FAM184A: variants seen among roughly 807,000 people sequenced by gnomAD.
The protein encoded by FAM184A is family with sequence similarity 184 member A, also known as protein FAM184A.
In FAM184A, 99 loss-of-function variants were observed where a neutral mutation model predicts 143.8. The ratio of observed to expected loss-of-function variants is 0.69; its 90% CI spans 0.58 to 0.81. The LOEUF (loss-of-function observed/expected upper bound fraction) is 0.81. Ranked by LOEUF, FAM184A falls within the 40% of genes least tolerant of loss-of-function variation. FAM184A has a pLI of 0.00. For synonymous variants in FAM184A, 427 were observed against 446.4 expected, an observed-to-expected ratio of 0.96 and a Z score of 0.55; for missense variants, 1,217 against 1,310.5, an observed-to-expected ratio of 0.93 and a Z score of 1.10.
Position 118,980,370 on chromosome 6 carries a change from A to G in FAM184A, c.2089-20T>C, listed in dbSNP as rs773377861. On this transcript the variant is annotated intron_variant, in intron 9 of 17. Coordinates refer to ENST00000338891, the MANE Select transcript of FAM184A (RefSeq NM_024581.6). ...GGAAATCTATGCCCCAGAATGGTAC[A>G]CAATGAAGAATAAATACAAGGCATA... 6.9e-6 allele frequency: 11 copies of G among 1,596,660 alleles called. No homozygotes were observed. In the South Asian group the frequency reaches 1.0e-4, roughly 14 times the overall value.
intron 1 of FAM184A, among the ~76,000 whole-genome samples, chr6:119,099,616 T>C (rs979690874): frequency 6.6e-6 from 1 of 152,118 alleles, no homozygotes; most frequent in African/African-American, 2.4e-5. Flanking sequence ...CCCAATCTAT[T>C]AGTATGGGAT....
At chr6:119,130,030 G>T (rs1019869230) in intron 1 of FAM184A, among the ~76,000 whole-genome samples, 1 of 142,904 alleles carries the variant, frequency 7.0e-6, no homozygotes, top group African/African-American at 2.6e-5. Flanking sequence ...ACAGAGGCTC[G>T]CAAGGTTTTA....
intron 1 of FAM184A, among the ~76,000 whole-genome samples, chr6:119,132,535 C>G (rs1789561708): frequency 1.3e-5 from 2 of 152,196 alleles, no homozygotes; most frequent in Non-Finnish European, 2.9e-5. Context: ...CATTTTTGAA[C>G]AGAAAGGTAA....
At chr6:119,008,796 G>A (rs779555943) in intron 6 of FAM184A, among the ~76,000 whole-genome samples, 63 of 152,190 alleles carry the variant, frequency 4.1e-4, no homozygotes, top group African/African-American at 1.3e-3. Context: ...ATATGGACAC[G>A]AGCATAAGCC....
At chr6:119,005,193 G>T (rs1421924737) in intron 7 of FAM184A, 1 of 151,818 alleles carries the variant, frequency 6.6e-6, no homozygotes, top group Non-Finnish European at 1.5e-5. Flanking sequence ...ATATCAAGTT[G>T]TATATTATAC....
intron 1 of FAM184A, among the ~76,000 whole-genome samples, chr6:119,122,020 C>T (rs1319672307): frequency 1.3e-5 from 2 of 152,184 alleles, no homozygotes; most frequent in African/African-American, 2.4e-5. Flanking sequence ...CCTCCCACCT[C>T]GGCCTCCCAA....
intron 1 of FAM184A, among the ~76,000 whole-genome samples, chr6:119,034,229 T>C (rs1786024144): frequency 6.6e-6 from 1 of 151,468 alleles, no homozygotes; most frequent in Non-Finnish European, 1.5e-5. Flanking sequence ...GCAAAGTGAA[T>C]GTTAGAAAGA....
At chr6:118,997,432 G>T (rs538628966) in intron 9 of FAM184A, among the ~76,000 whole-genome samples, 2 of 152,050 alleles carry the variant, frequency 1.3e-5, no homozygotes, top group Non-Finnish European at 2.9e-5. Flanking sequence ...GCTCACACTT[G>T]TAATCCCAGG....
At chr6:119,068,115 C>T (rs1787533122) in intron 1 of FAM184A, among the ~76,000 whole-genome samples, 1 of 146,254 alleles carries the variant, frequency 6.8e-6, no homozygotes, top group South Asian at 2.1e-4. Flanking sequence ...GGCGCAATCT[C>T]AGCTCACCAC....
At chr6:119,130,863 T>C (rs985118253) in intron 1 of FAM184A, among the ~76,000 whole-genome samples, 11 of 148,702 alleles carry the variant, frequency 7.4e-5, no homozygotes, top group African/African-American at 2.3e-4. Context: ...TTTTTCTTTT[T>C]TTTTTTTTTT....
rs141091222 is a variant in FAM184A, at chr6:119,138,369, G to A, written c.-202+10709C>T. Among the ~76,000 whole-genome samples the A allele has an allele frequency of 8.9e-4, 135 of 152,144 alleles. 1 individual carries two copies. The highest frequency in any genetic ancestry group is 3.2e-3 in the African/African-American group (134 of 41,516). The stretch of plus-strand genomic sequence containing the variant: ...CCAATGTATTATCTTAAAGTTCTAG[G>A]GGTCAGAAGTCCAAAATGTGTCTCA... On this transcript the variant is annotated intron_variant, in intron 1 of 16. Transcript: ENST00000352896.
chr6:119,130,850 CT>C (rs1490833378), intron 1 of FAM184A, among the ~76,000 whole-genome samples: 1 of 134,036 alleles, frequency 7.5e-6, no homozygotes, highest in Non-Finnish European at 1.5e-5. Context: ...AATTGTATTT[CT>C]TTTTTTCTTT....
chr6:119,088,270 G>A (rs1263482295), intron 1 of FAM184A, among the ~76,000 whole-genome samples: 2 of 152,142 alleles, frequency 1.3e-5, no homozygotes, highest in African/African-American at 4.8e-5. Flanking sequence ...CCACAATTAA[G>A]AAAAGATTCA....
chr6:119,139,582 G>A (rs9385067), intron 1 of FAM184A, among the ~76,000 whole-genome samples: 47,712 of 151,594 alleles, frequency 0.31, 7,865 homozygotes, highest in East Asian at 0.52. Context: ...ATTTCCTCAT[G>A]GGAGACAAGA....
chr6:119,039,866 T>C (rs1460261308), intron 1 of FAM184A, among the ~76,000 whole-genome samples: 1 of 152,178 alleles, frequency 6.6e-6, no homozygotes, highest in Non-Finnish European at 1.5e-5. Flanking sequence ...GACATGCAGA[T>C]TAAGAGACAA....
intron 1 of FAM184A, among the ~76,000 whole-genome samples, chr6:119,047,023 C>T (rs1011435541): frequency 2.0e-5 from 3 of 148,286 alleles, no homozygotes; most frequent in Admixed American, 1.4e-4. Flanking sequence ...GCTCAAAAAA[C>T]GCTACAGGAA....
At chr6:119,023,162 T>G in intron 2 of FAM184A, 82 bp from the exon 3 acceptor site, 1 of 1,458,454 alleles carries the variant, frequency 6.9e-7, no homozygotes, top group Non-Finnish European at 9.4e-7. Flanking sequence ...AGGGTCAGCT[T>G]TCTCTTATTC....
chr6:118,997,966 G>A (rs189827306), intron 9 of FAM184A, among the ~76,000 whole-genome samples: 1 of 152,250 alleles, frequency 6.6e-6, no homozygotes, highest in East Asian at 1.9e-4. Flanking sequence ...AACTGCTCTT[G>A]ATAAAGAGCA....
intron 5 of FAM184A, among the ~76,000 whole-genome samples, chr6:119,014,746 C>T (rs547105250): frequency 6.6e-6 from 1 of 152,288 alleles, no homozygotes; most frequent in East Asian, 1.9e-4. Context: ...AGAATGATTA[C>T]AAGACAGAAA....
Sources: gnomAD v4.1 joint callset for allele counts (sites outside exome capture counted in the v4.1 genomes callset) on GRCh38, gnomAD v4.1.1 for gene constraint, MANE v1.5 for transcripts, NCBI Gene and HGNC (gene_info 2026-07-23, HGNC 2026-07-21) for gene names.